The following MYO9A variants were observed in gnomAD, a reference collection of about 807,000 sequenced individuals.
MYO9A encodes the protein unconventional myosin-IXa.
A neutral mutation model predicts 293.3 loss-of-function variants in MYO9A; 103 were observed. That is an observed-to-expected ratio of 0.35 (90% CI 0.30 to 0.41). The LOEUF (loss-of-function observed/expected upper bound fraction) is 0.41, where lower values mean the gene tolerates loss of function less well. Ranked by LOEUF, MYO9A falls within the 10% of genes least tolerant of loss-of-function variation. The probability of loss-of-function intolerance (pLI) is 1.00; values close to 1 mark genes in which losing one functional copy is unlikely to be tolerated. For missense variants in MYO9A, 2,685 were observed against 3,033.0 expected (o/e 0.89, Z 2.69); for synonymous variants, 1,001 against 1,035.7 (o/e 0.97, Z 0.64).
intron 19 of MYO9A, among the ~76,000 whole-genome samples, chr15:71,907,071 C>T (rs2057681496): frequency 6.7e-6 from 1 of 148,464 alleles, no homozygotes; most frequent in Non-Finnish European, 1.5e-5. Flanking sequence ...TTAGGTATAT[C>T]TCCCAATGCT....
Position 71,956,328 on chromosome 15 carries a change from A to ATTATATATATATAT in MYO9A, c.2182+3572_2182+3573insATATATATATATAA, listed in dbSNP as rs1555490908. On this transcript the variant is annotated intron_variant, in intron 14 of 41. Coordinates refer to ENST00000356056, the MANE Select transcript of MYO9A (RefSeq NM_006901.4). ...CGGCTCTTAAAAAAAAAAAAAAAAA[A>ATTATATATATATAT]AAATATATATATATATATATATAAA... 1.4e-3 allele frequency among the ~76,000 whole-genome samples: 22 copies of ATTATATATATATAT among 15,180 alleles called. 1 individual carries two copies. Among genetic ancestry groups the ATTATATATATATAT allele is most frequent in the South Asian group, 3.6e-3 (2 of 550 alleles). The allele number at this position is 15,180 out of a possible 152,430, so 10.0% of individuals were successfully genotyped here. A position where few individuals can be genotyped will look rare whatever the true frequency, so the allele number is the denominator to read the frequency against.
chr15:71,875,938 A>G (rs1169487637), intron 31 of MYO9A, 100 bp from the exon 32 acceptor site: 6 of 581,392 alleles, frequency 1.0e-5, no homozygotes, highest in African/African-American at 1.9e-5. Flanking sequence ...AACAGGTAAC[A>G]CAATAGTCAT....
intron 1 of MYO9A, among the ~76,000 whole-genome samples, chr15:72,111,446 G>A (rs143819493): frequency 3.2e-3 from 476 of 147,184 alleles, no homozygotes; most frequent in African/African-American, 0.011. Context: ...CCGAGATTGC[G>A]CCACTGCACT....
In MYO9A at chr15:71,822,998, T is replaced by C. The variant is rs945070285; in HGVS notation, c.*3582A>G. 3 of 152,136 alleles carry C rather than the reference T, an allele frequency of 2.0e-5. No homozygotes were observed. The highest frequency in any genetic ancestry group is 7.2e-5 in the African/African-American group (3 of 41,416). The allele number at this position is 152,136 out of a possible 1,614,324, so 9.4% of individuals were successfully genotyped here. A position where few individuals can be genotyped will look rare whatever the true frequency, so the allele number is the denominator to read the frequency against. On this transcript the variant is annotated 3_prime_UTR_variant, in exon 42 of 42. Coordinates refer to ENST00000356056, the MANE Select transcript of MYO9A (RefSeq NM_006901.4). ...TTTTACTACCAAGGCCAGCATGGTA[T>C]TGCAGGACAGTGCTGGGGAGTTGTC...
chr15:72,050,584 G>A (rs1380154513), intron 1 of MYO9A, among the ~76,000 whole-genome samples: 5 of 152,076 alleles, frequency 3.3e-5, no homozygotes, highest in Non-Finnish European at 7.3e-5. Context: ...TCCAGCCTGG[G>A]TGACAGAGCA....
At chr15:71,866,841 A>G (rs1187358687) in intron 32 of MYO9A, among the ~76,000 whole-genome samples, 2 of 152,064 alleles carry the variant, frequency 1.3e-5, no homozygotes, top group Non-Finnish European at 2.9e-5. Context: ...GGTGGATCAC[A>G]AAGTCAGGAG....
At chr15:71,970,063 T>A (rs1844908032) in intron 12 of MYO9A, among the ~76,000 whole-genome samples, 2 of 152,216 alleles carry the variant, frequency 1.3e-5, no homozygotes, top group African/African-American at 4.8e-5. Context: ...AAATGCTGCC[T>A]TAAATGAATG....
intron 18 of MYO9A, among the ~76,000 whole-genome samples, chr15:71,924,252 T>C (rs1325423163): frequency 6.6e-6 from 1 of 151,966 alleles, no homozygotes; most frequent in East Asian, 1.9e-4. Context: ...ATTATTGTTA[T>C]TATTTTTGAG....
intron 1 of MYO9A, among the ~76,000 whole-genome samples, chr15:72,074,158 A>C (rs1048547059): frequency 1.3e-5 from 2 of 152,210 alleles, no homozygotes; most frequent in African/African-American, 4.8e-5. Flanking sequence ...TGATAATAAT[A>C]ATAAATTAAC....
intron 1 of MYO9A, among the ~76,000 whole-genome samples, chr15:72,108,857 G>A (rs1007448023): frequency 6.7e-6 from 1 of 149,256 alleles, no homozygotes; most frequent in African/African-American, 2.5e-5. Context: ...CCACCTCCCA[G>A]GTTGAAGTGA....
rs142352724 is a variant in MYO9A, at chr15:72,086,139, G to A, written c.-72+31541C>T. ...CCATGTGCCAGTGGCAGCACAGAGGGGTGCACACTTGTCAGCTGTGGCAGT... is the reference window on the plus strand; with the variant it reads ...CCATGTGCCAGTGGCAGCACAGAGGAGTGCACACTTGTCAGCTGTGGCAGT... On this transcript the variant is annotated intron_variant, in intron 1 of 41. Transcript: ENST00000356056. 9.5e-4 allele frequency among the ~76,000 whole-genome samples: 144 copies of A among 152,302 alleles called. 5 individuals carry two copies. In the Middle Eastern group the frequency reaches 0.027, roughly 29 times the overall value.
At chr15:72,035,260 G>A (rs1305202254) in intron 2 of MYO9A, among the ~76,000 whole-genome samples, 7 of 152,082 alleles carry the variant, frequency 4.6e-5, no homozygotes, top group Non-Finnish European at 8.8e-5. Flanking sequence ...ATGACCCAGC[G>A]ATACCCCTCC....
intron 1 of MYO9A, among the ~76,000 whole-genome samples, chr15:72,092,005 C>T (rs1050544574): frequency 1.3e-5 from 2 of 152,114 alleles, no homozygotes; most frequent in East Asian, 1.9e-4. Flanking sequence ...TGTTAGCCAT[C>T]GCGCCCGGCG....
intron 1 of MYO9A, among the ~76,000 whole-genome samples, chr15:72,080,028 CTTAG>C (rs1313358278): frequency 6.6e-6 from 1 of 152,160 alleles, no homozygotes; most frequent in Non-Finnish European, 1.5e-5. Context: ...TCTGCTGATT[CTTAG>C]TTTGTCTGTA....
chr15:72,027,685 G>T, intron 4 of MYO9A, 46 bp downstream of exon 4: 3 of 1,431,992 alleles, frequency 2.1e-6, no homozygotes, highest in Middle Eastern at 1.8e-4. Flanking sequence ...CAGTCTGCGT[G>T]ATACAAATGT....
At chr15:72,014,652 C>T (rs1375647690) in intron 6 of MYO9A, among the ~76,000 whole-genome samples, 2 of 150,252 alleles carry the variant, frequency 1.3e-5, no homozygotes, top group Non-Finnish European at 2.9e-5. Context: ...TGCCACTGTG[C>T]TCCAGCCTAG....
chr15:71,969,476 G>A (rs547206621), intron 12 of MYO9A, among the ~76,000 whole-genome samples: 14 of 152,242 alleles, frequency 9.2e-5, no homozygotes, highest in Admixed American at 5.2e-4. Context: ...CCTCTGCTCC[G>A]AAATGTATAG....
At chr15:71,848,053 G>GA (rs2055468514) in intron 39 of MYO9A, among the ~76,000 whole-genome samples, 2 of 152,200 alleles carry the variant, frequency 1.3e-5, no homozygotes, top group East Asian at 3.9e-4. Context: ...AATCTGAAAT[G>GA]CGTGCTCATT....
At chr15:72,100,330 C>T (rs1019466456) in intron 1 of MYO9A, among the ~76,000 whole-genome samples, 2 of 152,228 alleles carry the variant, frequency 1.3e-5, no homozygotes, top group Non-Finnish European at 2.9e-5. Context: ...AGACTCAGTG[C>T]TCGGTGGTGC....
Sources: allele counts gnomAD v4.1 joint callset (sites outside exome capture counted in the v4.1 genomes callset), GRCh38; gene constraint gnomAD v4.1.1; transcripts MANE v1.5; gene names NCBI Gene and HGNC (gene_info 2026-07-23, HGNC 2026-07-21).